PCDHGA12: variants seen among roughly 807,000 people sequenced by gnomAD.
PCDHGA12 encodes the protein protocadherin gamma-A12.
A neutral mutation model predicts 61.1 loss-of-function variants in PCDHGA12; 43 were observed. That is an observed-to-expected ratio of 0.70 (90% CI 0.55 to 0.91). The LOEUF (loss-of-function observed/expected upper bound fraction) is 0.91. Ranked by LOEUF, PCDHGA12 falls within the 40% of genes least tolerant of loss-of-function variation. The pLI is 0.00. For missense variants in PCDHGA12, 1,236 were observed against 1,227.7 expected (o/e 1.01, Z -0.10); for synonymous variants, 520 against 542.9 (o/e 0.96, Z 0.59).
Position 141,484,782 on chromosome 5 carries a change from C to A in PCDHGA12, c.2425-10025C>A, listed in dbSNP as rs572593816. 2.0e-5 allele frequency among the ~76,000 whole-genome samples: 3 copies of A among 152,066 alleles called. No homozygotes were observed. In the South Asian group the frequency reaches 6.3e-4, roughly 32 times the overall value. On this transcript the variant is annotated intron_variant, in intron 1 of 3. Transcript: ENST00000252085. Reference sequence around the variant, plus strand: ...TATATATATGTTGTCTGCCTCCCCACAGAGATAACAACCCGTGGAAAAACA... The same window carrying A: ...TATATATATGTTGTCTGCCTCCCCAAAGAGATAACAACCCGTGGAAAAACA...
rs200790843 is a variant in PCDHGA12 at position 141,432,196 on chromosome 5, C to A, written c.1437C>A (p.Pro479=). ...TCGTCTCTGTGACCGCCCACGACCCCGACTGTGAAGAGAACGCCCAGATCA... is the reference window on the plus strand; with the variant it reads ...TCGTCTCTGTGACCGCCCACGACCCAGACTGTGAAGAGAACGCCCAGATCA... ...VSLVSVTAHD[P]DCEENAQITY... Residue 479 remains proline (P), a synonymous_variant, in exon 1 of 4, where the codon CCC becomes CCA. Coordinates refer to ENST00000252085, the MANE Select transcript of PCDHGA12 (RefSeq NM_003735.3). This position sits in a 1 kb window ranked among gnomAD's most constrained non-coding sequence, Gnocchi z 6.0. The A allele has an allele frequency of 6.2e-7, 1 of 1,614,192 alleles. No homozygotes were observed.
Position 141,512,703 on chromosome 5 carries a change from T to C in PCDHGA12, c.*1530T>C. ...TAGCCAGTAGTGTAGTGCGGTGTGC[T>C]TTTACGTGATGGCGGGTGGGCAGCG... On this transcript the variant is annotated 3_prime_UTR_variant, in exon 4 of 4. Coordinates refer to ENST00000252085, the MANE Select transcript of PCDHGA12 (RefSeq NM_003735.3). 1 of 152,958 alleles carries C rather than the reference T, an allele frequency of 6.5e-6. No individual in the cohort carries two copies. Among genetic ancestry groups the C allele is most frequent in the East Asian group, 1.9e-4 (1 of 5,212 alleles). 9.5% of individuals were successfully genotyped at this position (152,958 alleles called of 1,614,324 possible).
chr5:141,509,051 A>G (rs1051961974), intron 3 of PCDHGA12, among the ~76,000 whole-genome samples: 1 of 152,166 alleles, frequency 6.6e-6, no homozygotes, highest in Admixed American at 6.5e-5. Context: ...CCCCGCCCCC[A>G]GAAAGCTCTC....
At position 141,477,004 on chromosome 5, in the gene PCDHGA12, C is replaced by T. The variant is rs1390668803; in HGVS notation, c.2425-17803C>T. On this transcript the variant is annotated intron_variant, in intron 1 of 3. Coordinates refer to ENST00000252085, the MANE Select transcript of PCDHGA12 (RefSeq NM_003735.3). The surrounding 1 kb of genome is among the most constrained non-coding windows in gnomAD (Gnocchi z 4.9). ...GCGCCGGCGTGCGGCAACTATTCGC[C>T]TTAGACCTTGTAACCGGGATGCTGA... is the stretch of plus-strand genomic sequence containing the variant. 3 of 1,614,236 alleles carry T rather than the reference C, an allele frequency of 1.9e-6. No homozygotes were observed. The highest frequency in any genetic ancestry group is 2.5e-6 in the Non-Finnish European group (3 of 1,180,042).
At chr5:141,449,101 G>T (rs1020443363) in intron 1 of PCDHGA12, among the ~76,000 whole-genome samples, 3 of 152,144 alleles carry the variant, frequency 2.0e-5, no homozygotes, top group Non-Finnish European at 4.4e-5. Flanking sequence ...TACATATGCA[G>T]TATATCTTTG....
rs373728953 is a variant in PCDHGA12 at position 141,491,753 on chromosome 5, C to A, written c.2425-3054C>A. The A allele has an allele frequency of 6.3e-7, 1 of 1,585,146 alleles. No homozygotes were observed. The highest frequency in any genetic ancestry group is 8.6e-7 in the Non-Finnish European group (1 of 1,166,912). On this transcript the variant is annotated intron_variant, in intron 1 of 3. Transcript: ENST00000252085. This position sits in a 1 kb window ranked among gnomAD's most constrained non-coding sequence, Gnocchi z 6.9. The stretch of plus-strand genomic sequence containing the variant: ...ACCCCTGGGGGCGGCACTGGAGAAG[C>A]CGCCCGTCCTCATAAGGGATTGAAC...
At chr5:141,456,057 C>T (rs2098842079) in intron 1 of PCDHGA12, among the ~76,000 whole-genome samples, 1 of 151,914 alleles carries the variant, frequency 6.6e-6, no homozygotes, top group South Asian at 2.1e-4. Context: ...ACCACCACGT[C>T]CGGCTAATTT....
chr5:141,456,087 C>T (rs1218579202), intron 1 of PCDHGA12, among the ~76,000 whole-genome samples: 1 of 151,886 alleles, frequency 6.6e-6, no homozygotes, highest in Non-Finnish European at 1.5e-5. Context: ...TCAGTAGAGA[C>T]GGGATTTCAC....
Position 141,485,434 on chromosome 5 carries a change from G to T in PCDHGA12, c.2425-9373G>T. The stretch of plus-strand genomic sequence containing the variant: ...TGGACAGCGGAGCCCTGCTCATCAA[G>T]AACCCAATCGACCGAGAGGCACTGT... On this transcript the variant is annotated intron_variant, in intron 1 of 3. Transcript: ENST00000252085. This position sits in a 1 kb window ranked among gnomAD's most constrained non-coding sequence, Gnocchi z 5.7. The T allele has an allele frequency of 6.2e-7, 1 of 1,614,166 alleles. No homozygotes were observed. The highest frequency in any genetic ancestry group is 1.6e-4 in the Middle Eastern group (1 of 6,062).
rs752680691 is a variant in PCDHGA12, at chr5:141,433,173, G to A, written c.2414G>A (p.Gly805Glu). Reference sequence around the variant, plus strand: ...TCGGTATTTTCTAAAGACAGTCATGGGTTAATTGAGGTGAGTTTATATCAA... The same window carrying A: ...TCGGTATTTTCTAAAGACAGTCATGAGTTAATTGAGGTGAGTTTATATCAA... ...GDSVFSKDSH[G>E]LIEQAPPNTD... The change falls in exon 1 of 4, where the codon GGG (glycine) becomes GAG (glutamate). Residue 805 changes from glycine (G) to glutamate (E), a missense_variant. Physicochemically the swap from Gly to Glu is moderately conservative, Grantham distance 98 (BLOSUM62 -2). Coordinates refer to ENST00000252085, the MANE Select transcript of PCDHGA12 (RefSeq NM_003735.3). 3.1e-6 allele frequency: 5 copies of A among 1,610,344 alleles called. 1 individual carries two copies. In the Middle Eastern group the frequency reaches 5.0e-4, roughly 160 times the overall value.
rs769652961 is a variant in PCDHGA12, at chr5:141,489,435, A to G, written c.2425-5372A>G. ...CAGATCTGTTGAGCCGGCGGCTGCAATTGGGCTCTGAGGAGAATGGGCGCT... is the reference window on the plus strand; with the variant it reads ...CAGATCTGTTGAGCCGGCGGCTGCAGTTGGGCTCTGAGGAGAATGGGCGCT... On this transcript the variant is annotated intron_variant, in intron 1 of 3. Coordinates refer to ENST00000252085, the MANE Select transcript of PCDHGA12 (RefSeq NM_003735.3). This position sits in a 1 kb window ranked among gnomAD's most constrained non-coding sequence, Gnocchi z 4.5. 2 of 1,614,138 alleles carry G rather than the reference A, an allele frequency of 1.2e-6. No homozygotes were observed. The highest frequency in any genetic ancestry group is 1.7e-6 in the Non-Finnish European group (2 of 1,180,024).
Position 141,491,627 on chromosome 5 carries a change from A to C in PCDHGA12, c.2425-3180A>C. On this transcript the variant is annotated intron_variant, in intron 1 of 3. Transcript: ENST00000252085. The surrounding 1 kb of genome is among the most constrained non-coding windows in gnomAD (Gnocchi z 6.9). ...ACTTTTCTAAGACCCCTCAGCGTTC[A>C]GCAGCCCACAGCTCTGGCGCTGGAG... 6.2e-7 allele frequency: 1 copy of C among 1,613,924 alleles called. No homozygotes were observed. The highest frequency in any genetic ancestry group is 8.5e-7 in the Non-Finnish European group (1 of 1,180,026).
chr5:141,471,789 TCATATAAAAGA>T (rs777265354), intron 1 of PCDHGA12, among the ~76,000 whole-genome samples: 14 of 152,224 alleles, frequency 9.2e-5, no homozygotes, highest in Non-Finnish European at 1.9e-4. Flanking sequence ...TTATGCTATG[TCATATAAAAGA>T]CATATAAAAG....
At position 141,477,263 on chromosome 5, in the gene PCDHGA12, G is replaced by C. The variant is rs543767777; in HGVS notation, c.2425-17544G>C. ...CAGTGTGACTGACCTGGATGCTGGC[G>C]AGAACGGGCTGGTGACCTGCGAAGT... On this transcript the variant is annotated intron_variant, in intron 1 of 3. Coordinates refer to ENST00000252085, the MANE Select transcript of PCDHGA12 (RefSeq NM_003735.3). The surrounding 1 kb of genome is among the most constrained non-coding windows in gnomAD (Gnocchi z 4.9). The C allele has an allele frequency of 6.2e-7, 1 of 1,614,192 alleles. No individual in the cohort carries two copies. The highest frequency in any genetic ancestry group is 1.3e-5 in the African/African-American group (1 of 75,058).
intron 1 of PCDHGA12, among the ~76,000 whole-genome samples, chr5:141,463,489 C>T (rs1190438683): frequency 7.2e-6 from 1 of 138,270 alleles, no homozygotes; most frequent in African/African-American, 2.8e-5. Context: ...CGCTCTGTCA[C>T]CCAGGCTGGA....
chr5:141,438,733 C>T (rs2098057443), intron 1 of PCDHGA12, among the ~76,000 whole-genome samples: 1 of 149,042 alleles, frequency 6.7e-6, no homozygotes, highest in Non-Finnish European at 1.5e-5. Context: ...GTGATCTCAG[C>T]TCACTGCAAC....
intron 1 of PCDHGA12, among the ~76,000 whole-genome samples, chr5:141,443,034 A>T (rs368996869): frequency 2.0e-5 from 3 of 152,172 alleles, no homozygotes; most frequent in East Asian, 3.8e-4. Context: ...CCAGACCTAA[A>T]CTTTGAAAAT....
intron 1 of PCDHGA12, chr5:141,479,217 A>G (rs1433108919): frequency 1.3e-5 from 2 of 152,400 alleles, no homozygotes; most frequent in Non-Finnish European, 2.9e-5. Context: ...TTAAAAAATT[A>G]AAACTATAAT....
At chr5:141,481,240 T>G (rs1323124277) in intron 1 of PCDHGA12, among the ~76,000 whole-genome samples, 1 of 152,208 alleles carries the variant, frequency 6.6e-6, no homozygotes, top group Non-Finnish European at 1.5e-5. Flanking sequence ...AAGTATTACA[T>G]AGCATAGCTC....
Sources: allele counts gnomAD v4.1 joint callset (sites outside exome capture counted in the v4.1 genomes callset), GRCh38; gene constraint gnomAD v4.1.1; non-coding constraint Gnocchi (gnomAD v3.1); transcripts MANE v1.5; gene names NCBI Gene and HGNC (gene_info 2026-07-23, HGNC 2026-07-21).